The following CCNB2 variants were observed in gnomAD, a reference collection of about 807,000 sequenced individuals.
The protein encoded by CCNB2 is G2/mitotic-specific cyclin-B2.
CCNB2 carries 39 observed loss-of-function variants against 51.1 expected under a neutral mutation model. The ratio of observed to expected loss-of-function variants is 0.76; its 90% CI spans 0.59 to 1.00. CCNB2 has a LOEUF of 1.00. Among genes scored for constraint, CCNB2 ranks in the 50% least tolerant of loss-of-function variants. CCNB2 has a pLI of 0.00. For synonymous variants in CCNB2, 174 were observed against 165.5 expected, an observed-to-expected ratio of 1.05 and a Z score of -0.40; for missense variants, 472 against 470.3, an observed-to-expected ratio of 1.00 and a Z score of -0.03.
At chr15:59,113,479 C>G (rs1477782485) in intron 3 of CCNB2, among the ~76,000 whole-genome samples, 1 of 151,976 alleles carries the variant, frequency 6.6e-6, no homozygotes, top group Non-Finnish European at 1.5e-5. Flanking sequence ...TACATTCTGG[C>G]AGAGGTAGAC....
At chr15:59,111,693 G>A (rs1354357671) in intron 3 of CCNB2, among the ~76,000 whole-genome samples, 1 of 151,952 alleles carries the variant, frequency 6.6e-6, no homozygotes, top group Non-Finnish European at 1.5e-5. Flanking sequence ...AAATCAATTT[G>A]CAGTTCCCAG....
Position 59,107,422 on chromosome 15 carries a change from T to A in CCNB2, c.125T>A (p.Val42Asp), listed in dbSNP as rs1174847062. ...RTVLEEIGNR[V>D]TTRAAQVAKK... Reference sequence around the variant, plus strand: ...GTTTTAGAAGAAATTGGAAATAGAGTTACAACCAGAGCAGCACAAGTAGCT... The same window carrying A: ...GTTTTAGAAGAAATTGGAAATAGAGATACAACCAGAGCAGCACAAGTAGCT... Residue 42 changes from valine to aspartate, a missense_variant, in exon 2 of 9, where the codon GTT (valine) becomes GAT (aspartate). Coordinates refer to ENST00000288207, the MANE Select transcript of CCNB2 (RefSeq NM_004701.4). 22 of 1,613,594 alleles carry A rather than the reference T, an allele frequency of 1.4e-5. No homozygotes were observed. Among genetic ancestry groups the A allele is most frequent in the Non-Finnish European group, 1.9e-5 (22 of 1,179,958 alleles).
chr15:59,123,219 A>G (rs1428941291), intron 7 of CCNB2, among the ~76,000 whole-genome samples: 1 of 151,940 alleles, frequency 6.6e-6, no homozygotes, highest in Non-Finnish European at 1.5e-5. Flanking sequence ...ATCCCCTTTC[A>G]GTGTTGTTAC....
intron 5 of CCNB2, 57 bp downstream of exon 5, chr15:59,114,933 T>C (rs2079273171): frequency 1.4e-5 from 22 of 1,521,948 alleles, no homozygotes; most frequent in Non-Finnish European, 1.9e-5. Context: ...GCATTTATGC[T>C]TGGGGGATAG....
chr15:59,105,304 C>A lies in CCNB2; in HGVS notation c.24+12C>A. On this transcript the variant is annotated intron_variant, in intron 1 of 8. Coordinates refer to ENST00000288207, the MANE Select transcript of CCNB2 (RefSeq NM_004701.4). ...TCCGACGCCCGACGGTGAGTGTGCC[C>A]GGGGACCGCTCTCAGAGGCGAGTCC... is the stretch of plus-strand genomic sequence containing the variant. 6.4e-7 allele frequency: 1 copy of A among 1,558,600 alleles called. No homozygotes were observed. Among genetic ancestry groups the A allele is most frequent in the East Asian group, 2.4e-5 (1 of 42,018 alleles).
In CCNB2 at chr15:59,124,795, A is replaced by G; in HGVS notation, c.1115A>G (p.Lys372Arg). The G allele has an allele frequency of 1.2e-6, 2 of 1,613,808 alleles. No individual in the cohort carries two copies. Among genetic ancestry groups the G allele is most frequent in the Non-Finnish European group, 1.7e-6 (2 of 1,179,860 alleles). ...ATCAAGAATAAGTATGCAAGCAGCAAACTCCTGAAGATCAGCATGATCCCT... is the reference window on the plus strand; with the variant it reads ...ATCAAGAATAAGTATGCAAGCAGCAGACTCCTGAAGATCAGCATGATCCCT... The part of the protein sequence containing the change: ...IAIKNKYASS[K>R]LLKISMIPQL... Residue 372 changes from lysine to arginine, a missense_variant, in exon 9 of 9, where the codon AAA becomes AGA. Physicochemically the swap from Lys to Arg is conservative, Grantham distance 26. Transcript: ENST00000288207.
chr15:59,105,369 C>T, intron 1 of CCNB2, 77 bp downstream of exon 1: 2 of 1,454,914 alleles, frequency 1.4e-6, no homozygotes, highest in Non-Finnish European at 1.9e-6. Context: ...CTCATCTGCT[C>T]CGAGCTTCTC....
chr15:59,105,878 TAAA>T (rs796688737), intron 1 of CCNB2, among the ~76,000 whole-genome samples: 1 of 152,340 alleles, frequency 6.6e-6, no homozygotes, highest in African/African-American at 2.4e-5. Flanking sequence ...TTTGTCCCCT[TAAA>T]AAATTAATTT....
intron 7 of CCNB2, among the ~76,000 whole-genome samples, chr15:59,123,238 C>T (rs1464454830): frequency 6.6e-6 from 1 of 152,136 alleles, no homozygotes; most frequent in Non-Finnish European, 1.5e-5. Flanking sequence ...ACTTGAAGGA[C>T]TCTTACCTGT....
intron 5 of CCNB2, 53 bp downstream of exon 5, chr15:59,114,929 A>G: frequency 6.5e-7 from 1 of 1,535,580 alleles, no homozygotes; most frequent in African/African-American, 1.4e-5. Flanking sequence ...CATTGCATTT[A>G]TGCTTGGGGG....
At chr15:59,115,999 T>C (rs2079277263) in intron 5 of CCNB2, 1 of 152,138 alleles carries the variant, frequency 6.6e-6, no homozygotes, top group African/African-American at 2.4e-5. Context: ...CCCAAAGTGT[T>C]GGGATTATAG....
In CCNB2 at chr15:59,108,218, G is replaced by A. The variant is rs530416154; in HGVS notation, c.267+548G>A. Among the ~76,000 whole-genome samples the A allele has an allele frequency of 1.1e-4, 17 of 152,290 alleles. No individual in the cohort carries two copies. In the South Asian group the frequency reaches 2.9e-3, roughly 26 times the overall value. On this transcript the variant is annotated intron_variant, in intron 3 of 8. Coordinates refer to ENST00000288207, the MANE Select transcript of CCNB2 (RefSeq NM_004701.4). ...TATGGACCTATAATCATGTCCTTTC[G>A]TTAAGGAGTCTGAAAGACTTAACTG...
chr15:59,105,176 C>G lies in CCNB2; in HGVS notation c.-93C>G, dbSNP rs541919685. The G allele has an allele frequency of 1.7e-5, 20 of 1,181,896 alleles. No individual in the cohort carries two copies. In the East Asian group the frequency reaches 4.9e-4, roughly 29 times the overall value. 73.2% of individuals were successfully genotyped at this position (1,181,896 alleles called of 1,614,324 possible). A position where few individuals can be genotyped will look rare whatever the true frequency, so the allele number is the denominator to read the frequency against. On this transcript the variant is annotated 5_prime_UTR_variant, in exon 1 of 9. Transcript: ENST00000288207. ...TCCCCAGCGCTGCGGGCTCGGAGAG[C>G]AGTCCTAACGGCGCCTCGTACGCTA...
chr15:59,105,510 C>A (rs556118778), intron 1 of CCNB2, among the ~76,000 whole-genome samples: 68 of 152,372 alleles, frequency 4.5e-4, no homozygotes, highest in African/African-American at 1.5e-3. Context: ...CCTCCCTGCC[C>A]CGGGGTGGGA....
Position 59,109,902 on chromosome 15 carries a change from C to T in CCNB2, c.267+2232C>T, listed in dbSNP as rs936241786. 2.0e-5 allele frequency among the ~76,000 whole-genome samples: 3 copies of T among 152,090 alleles called. No homozygotes were observed. The East Asian group carries it at 5.8e-4, about 29-fold the overall frequency. On this transcript the variant is annotated intron_variant, in intron 3 of 8. Transcript: ENST00000288207. The stretch of plus-strand genomic sequence containing the variant: ...TTGGGAGGCTGAGGCAGGAGAATGG[C>T]GTGAACCCTGGGGGCCGGAGCCTGC...
chr15:59,123,912 G>T (rs1224238529), intron 8 of CCNB2: 3 of 306,264 alleles, frequency 9.8e-6, no homozygotes, highest in Non-Finnish European at 1.9e-5. Flanking sequence ...GAATTACTCT[G>T]TGCTTATACT....
chr15:59,124,889 C>T lies in CCNB2; in HGVS notation c.*12C>T. On this transcript the variant is annotated 3_prime_UTR_variant, in exon 9 of 9. Transcript: ENST00000288207. ...TAGGAAGGTCCTAGGCTGCCGTGGC[C>T]CCTGGGGATGTGTGCTTCATTGTGC... is the stretch of plus-strand genomic sequence containing the variant. 6.7e-7 allele frequency: 1 copy of T among 1,499,150 alleles called. No homozygotes were observed. The highest frequency in any genetic ancestry group is 1.4e-5 in the African/African-American group (1 of 70,832). 92.9% of individuals were successfully genotyped at this position (1,499,150 alleles called of 1,614,324 possible). A position where few individuals can be genotyped will look rare whatever the true frequency, so the allele number is the denominator to read the frequency against.
At chr15:59,114,383 T>C in intron 3 of CCNB2, 61 bp from the exon 4 acceptor site, 1 of 1,301,970 alleles carries the variant, frequency 7.7e-7, no homozygotes, top group Non-Finnish European at 1.1e-6. Context: ...TTAAGCCAGT[T>C]GGCTCTGCAT....
chr15:59,110,936 C>T (rs2079255011), intron 3 of CCNB2, among the ~76,000 whole-genome samples: 1 of 152,150 alleles, frequency 6.6e-6, no homozygotes, highest in South Asian at 2.1e-4. Context: ...GTTGAATAAA[C>T]CATCGATTCT....
Sources: gnomAD v4.1 joint callset for allele counts (sites outside exome capture counted in the v4.1 genomes callset) on GRCh38, gnomAD v4.1.1 for gene constraint, MANE v1.5 for transcripts, NCBI Gene and HGNC (gene_info 2026-07-23, HGNC 2026-07-21) for gene names.